Variants in CTNNA3 observed in about 807,000 individuals in gnomAD.
The protein encoded by CTNNA3 is catenin alpha 3, also known as catenin alpha-3.
CTNNA3 carries 76 observed loss-of-function variants against 95.7 expected under a neutral mutation model. That is an observed-to-expected ratio of 0.79 (90% CI 0.66 to 0.96). The LOEUF (loss-of-function observed/expected upper bound fraction) is 0.96, where lower values mean the gene tolerates loss of function less well. Ranked by LOEUF, CTNNA3 falls within the 40% of genes least tolerant of loss-of-function variation. The probability of loss-of-function intolerance (pLI) is 0.00; values close to 1 mark genes in which losing one functional copy is unlikely to be tolerated. For synonymous variants in CTNNA3, 431 were observed against 374.4 expected (o/e 1.15, Z -1.74); for missense variants, 1,191 against 1,089.8 (o/e 1.09, Z -1.31).
At chr10:66,391,581 C>T (rs2092933957) in intron 11 of CTNNA3, among the ~76,000 whole-genome samples, 1 of 151,848 alleles carries the variant, frequency 6.6e-6, no homozygotes, top group South Asian at 2.1e-4. Flanking sequence ...AGAGTTAATG[C>T]TCTTTAAAAA....
rs188436094 is a variant in CTNNA3 at position 65,939,613 on chromosome 10, G to A, written c.2401-18996C>T. Reference sequence around the variant, plus strand: ...CTTTCTATAAACTAAGTACATCCTAGCTTAGTGTAATTTTTTGAGTCTGTC... The same window carrying A: ...CTTTCTATAAACTAAGTACATCCTAACTTAGTGTAATTTTTTGAGTCTGTC... On this transcript the variant is annotated intron_variant, in intron 17 of 17. Transcript: ENST00000433211. 3.9e-5 allele frequency among the ~76,000 whole-genome samples: 6 copies of A among 152,134 alleles called. No homozygotes were observed. The East Asian group carries it at 1.2e-3, about 29-fold the overall frequency.
At chr10:66,701,619 T>TAGTA (rs1307344950) in intron 9 of CTNNA3, among the ~76,000 whole-genome samples, 1 of 152,184 alleles carries the variant, frequency 6.6e-6, no homozygotes, top group Admixed American at 6.5e-5. Flanking sequence ...TGTAAAAGGT[T>TAGTA]TTACTATTTC....
chr10:66,875,203 G>T (rs907809505), intron 7 of CTNNA3, among the ~76,000 whole-genome samples: 1 of 152,072 alleles, frequency 6.6e-6, no homozygotes, highest in Non-Finnish European at 1.5e-5. Flanking sequence ...GAAGTTTCGT[G>T]TGGAGAACAA....
intron 13 of CTNNA3, among the ~76,000 whole-genome samples, chr10:66,217,835 C>T (rs1162148788): frequency 2.0e-5 from 3 of 152,056 alleles, no homozygotes; most frequent in Non-Finnish European, 4.4e-5. Context: ...CAGGAGATAG[C>T]GGGAGGTCCA....
intron 12 of CTNNA3, among the ~76,000 whole-genome samples, chr10:66,353,508 G>A (rs1016946411): frequency 1.3e-5 from 2 of 152,046 alleles, no homozygotes; most frequent in African/African-American, 4.8e-5. Flanking sequence ...AGAGAATCAA[G>A]TCATAGCTTT....
chr10:67,122,565 T>C (rs1262315786), intron 7 of CTNNA3, among the ~76,000 whole-genome samples: 1 of 152,094 alleles, frequency 6.6e-6, no homozygotes, highest in Non-Finnish European at 1.5e-5. Context: ...ATTTGGTCTG[T>C]GGTGTGGATG....
intron 7 of CTNNA3, among the ~76,000 whole-genome samples, chr10:67,064,298 A>G (rs1189431093): frequency 6.6e-6 from 1 of 152,130 alleles, no homozygotes; most frequent in Non-Finnish European, 1.5e-5. Flanking sequence ...ATGTATTAGC[A>G]TTCTTGTTAG....
chr10:66,240,162 G>T (rs534865933), intron 13 of CTNNA3, among the ~76,000 whole-genome samples: 1 of 152,038 alleles, frequency 6.6e-6, no homozygotes, highest in African/African-American at 2.4e-5. Context: ...TAGTAGGAAT[G>T]TGGGCTATAA....
At position 66,227,465 on chromosome 10, in the gene CTNNA3, A is replaced by G. The variant is rs554410897; in HGVS notation, c.1884+53005T>C. 2.0e-3 allele frequency among the ~76,000 whole-genome samples: 300 copies of G among 151,138 alleles called. 1 individual carries two copies. Among genetic ancestry groups the G allele is most frequent in the African/African-American group, 7.0e-3 (290 of 41,188 alleles). ...GATCATTCAATTGTTGCTGTGATGT[A>G]TCACATTTATTGACTTGCATATGTT... On this transcript the variant is annotated intron_variant, in intron 13 of 17. Transcript: ENST00000433211.
intron 7 of CTNNA3, among the ~76,000 whole-genome samples, chr10:66,962,109 G>C (rs1849142529): frequency 6.6e-6 from 1 of 152,172 alleles, no homozygotes; most frequent in South Asian, 2.1e-4. Context: ...ATGTGGGCTA[G>C]AGTGATCATT....
At position 67,372,300 on chromosome 10, in the gene CTNNA3, C is replaced by T. The variant is rs560480019; in HGVS notation, c.579+149542G>A. On this transcript the variant is annotated intron_variant, in intron 5 of 17. Coordinates refer to ENST00000433211, the MANE Select transcript of CTNNA3 (RefSeq NM_013266.4). ...TGGTGTTTTAGACATGAAGTCCTTGCCCATGCCTATGTCCTGAATGGTAAT... is the reference window on the plus strand; with the variant it reads ...TGGTGTTTTAGACATGAAGTCCTTGTCCATGCCTATGTCCTGAATGGTAAT... 5.3e-5 allele frequency among the ~76,000 whole-genome samples: 8 copies of T among 152,244 alleles called. No homozygotes were observed. In the East Asian group the frequency reaches 1.4e-3, roughly 26 times the overall value.
intron 5 of CTNNA3, among the ~76,000 whole-genome samples, chr10:67,406,037 TG>T (rs1238045296): frequency 6.6e-6 from 1 of 152,204 alleles, no homozygotes; most frequent in African/African-American, 2.4e-5. Flanking sequence ...TCCTCCATGC[TG>T]TTCTCATAAT....
chr10:66,742,591 C>T (rs1454196576), intron 9 of CTNNA3, among the ~76,000 whole-genome samples: 6 of 152,048 alleles, frequency 3.9e-5, no homozygotes, highest in African/African-American at 9.7e-5. Context: ...CAGAACCTGC[C>T]GACAGGATGT....
chr10:67,514,170 G>A (rs1839733625), intron 5 of CTNNA3, among the ~76,000 whole-genome samples: 1 of 152,028 alleles, frequency 6.6e-6, no homozygotes, highest in Non-Finnish European at 1.5e-5. Context: ...CATGGTGGTG[G>A]ATGCCTGTAA....
Position 66,903,063 on chromosome 10 carries a change from A to T in CTNNA3, c.1048-127539T>A, listed in dbSNP as rs552333823. On this transcript the variant is annotated intron_variant, in intron 7 of 17. Transcript: ENST00000433211. ...TCATACTGATACCAAAGCCTGGCAG[A>T]CACACAACAAAAAAAGAGAATTTTA... is the stretch of plus-strand genomic sequence containing the variant. 1.5e-4 allele frequency among the ~76,000 whole-genome samples: 23 copies of T among 152,236 alleles called. No individual in the cohort carries two copies. In the South Asian group the frequency reaches 4.6e-3, roughly 30 times the overall value.
chr10:66,550,594 A>T (rs1842185051), intron 10 of CTNNA3, among the ~76,000 whole-genome samples: 1 of 152,198 alleles, frequency 6.6e-6, no homozygotes, highest in East Asian at 1.9e-4. Context: ...TGGCCCTCTA[A>T]GAGAAAGTTT....
chr10:66,200,962 C>A lies in CTNNA3; in HGVS notation c.1884+79508G>T, dbSNP rs77796694. ...TCTTATTATCCATTGTTACTGACAC[C>A]ATGAAACCAGTGTTGCCGACCCATG... On this transcript the variant is annotated intron_variant, in intron 13 of 17. Transcript: ENST00000433211. Among the ~76,000 whole-genome samples, 58 of 152,208 alleles carry A rather than the reference C, an allele frequency of 3.8e-4. No homozygotes were observed. The East Asian group carries it at 8.7e-3, about 23-fold the overall frequency.
intron 11 of CTNNA3, among the ~76,000 whole-genome samples, chr10:66,443,993 T>C (rs35992359): frequency 0.38 from 57,798 of 151,292 alleles, 11,609 homozygotes; most frequent in African/African-American, 0.5. Flanking sequence ...GCTGATGGAG[T>C]TGAAAGCCAA....
chr10:67,219,535 T>A (rs1454090997), intron 6 of CTNNA3, 72 bp downstream of exon 6: 1 of 1,462,126 alleles, frequency 6.8e-7, no homozygotes, highest in East Asian at 2.3e-5. Context: ...AACATGTGGA[T>A]CTTCTTCTGT....
Sources: gnomAD v4.1 joint callset for allele counts (sites outside exome capture counted in the v4.1 genomes callset) on GRCh38, gnomAD v4.1.1 for gene constraint, MANE v1.5 for transcripts, NCBI Gene and HGNC (gene_info 2026-07-23, HGNC 2026-07-21) for gene names.